Variants in FBXO34 observed in about 807,000 individuals in gnomAD.
The protein encoded by FBXO34 is F-box protein 34.
FBXO34 carries 12 observed loss-of-function variants against 24.5 expected under a neutral mutation model. That is an observed-to-expected ratio of 0.49 (90% confidence interval 0.31 to 0.79). The LOEUF (loss-of-function observed/expected upper bound fraction) is 0.79, where lower values mean the gene tolerates loss of function less well. Ranked by LOEUF, FBXO34 falls within the 30% of genes least tolerant of loss-of-function variation. FBXO34 has a pLI of 0.04. For missense variants in FBXO34, 823 were observed against 857.7 expected, an observed-to-expected ratio of 0.96 and a Z score of 0.51; for synonymous variants, 320 against 311.9, an observed-to-expected ratio of 1.03 and a Z score of -0.27.
At chr14:55,391,290 A>G in the FBXO34 span, 13 of 203,662 alleles carry the variant, frequency 6.4e-5, no homozygotes, top group African/African-American at 3.1e-4. Flanking sequence ...CCTGGCCAAC[A>G]TGGTGAAACC....
chr14:55,328,591 T>A (rs536720524), intron 1 of FBXO34, among the ~76,000 whole-genome samples: 3 of 152,226 alleles, frequency 2.0e-5, no homozygotes, highest in Non-Finnish European at 4.4e-5. Context: ...TAATTGTTTC[T>A]GGAATTTTCC....
chr14:55,323,178 C>A (rs1566555662), intron 1 of FBXO34, among the ~76,000 whole-genome samples: 1 of 40,386 alleles, frequency 2.5e-5, no homozygotes. Context: ...GAGTGAGACT[C>A]TGTCTCAAAA....
the FBXO34 span, among the ~76,000 whole-genome samples, chr14:55,398,004 G>C: frequency 6.5e-5 from 9 of 138,650 alleles, no homozygotes; most frequent in African/African-American, 2.5e-4. Context: ...CTGGGGTGTA[G>C]TGGTGCGATC....
chr14:55,301,908 G>A (rs1882368883), intron 1 of FBXO34, among the ~76,000 whole-genome samples: 1 of 152,152 alleles, frequency 6.6e-6, no homozygotes, highest in Non-Finnish European at 1.5e-5. Context: ...TACTCTTCTG[G>A]TGTCTGTCTG....
the FBXO34 span, among the ~76,000 whole-genome samples, chr14:55,403,719 T>C: frequency 6.6e-6 from 1 of 152,160 alleles, no homozygotes; most frequent in Non-Finnish European, 1.5e-5. Flanking sequence ...ATAGTATGTA[T>C]TGTGTGATCC....
chr14:55,432,017 A>G, the FBXO34 span, among the ~76,000 whole-genome samples: 1 of 152,204 alleles, frequency 6.6e-6, no homozygotes, highest in Non-Finnish European at 1.5e-5. Flanking sequence ...TTTGTATAAT[A>G]CTGTGCACAA....
At chr14:55,430,063 C>T in the FBXO34 span, among the ~76,000 whole-genome samples, 1 of 152,154 alleles carries the variant, frequency 6.6e-6, no homozygotes, top group Admixed American at 6.5e-5. Context: ...TGTCCTGCTG[C>T]ACCCCTAAAT....
chr14:55,381,344 T>C, the FBXO34 span, among the ~76,000 whole-genome samples: 6 of 152,222 alleles, frequency 3.9e-5, no homozygotes, highest in Non-Finnish European at 8.8e-5. Flanking sequence ...CATTGGGGCC[T>C]TTCAGTCTCC....
chr14:55,429,539 A>T, the FBXO34 span, among the ~76,000 whole-genome samples: 1 of 152,168 alleles, frequency 6.6e-6, no homozygotes, highest in South Asian at 2.1e-4. Context: ...TGAGGCAGGC[A>T]GCTCACCTGA....
chr14:55,367,898 A>T (rs1191998751), exon 3 of FBXO34: 1 of 152,554 alleles, frequency 6.6e-6, no homozygotes, highest in Admixed American at 6.5e-5. Context: ...TACCATTAGC[A>T]AAAGCTATAT....
the FBXO34 span, among the ~76,000 whole-genome samples, chr14:55,400,878 T>C: frequency 1.3e-4 from 19 of 151,570 alleles, no homozygotes; most frequent in African/African-American, 4.6e-4. Flanking sequence ...CACTCCAGCC[T>C]GGGTGACAGA....
At chr14:55,400,228 AGTC>A in the FBXO34 span, among the ~76,000 whole-genome samples, 1 of 152,180 alleles carries the variant, frequency 6.6e-6, no homozygotes, top group Non-Finnish European at 1.5e-5. Flanking sequence ...TCATTCCACA[AGTC>A]TGTGCTTTCT....
intron 1 of FBXO34, among the ~76,000 whole-genome samples, chr14:55,308,007 TCTC>T (rs1205452059): frequency 4.6e-5 from 7 of 152,130 alleles, no homozygotes. Flanking sequence ...CCCATACTGT[TCTC>T]CTCGTGGTAA....
At chr14:55,401,441 T>A in the FBXO34 span, among the ~76,000 whole-genome samples, 7 of 152,202 alleles carry the variant, frequency 4.6e-5, no homozygotes, top group African/African-American at 1.7e-4. Flanking sequence ...TTGTGCTGTT[T>A]TCTGAAAGAA....
chr14:55,420,860 C>G, the FBXO34 span, among the ~76,000 whole-genome samples: 1 of 151,880 alleles, frequency 6.6e-6, no homozygotes, highest in Non-Finnish European at 1.5e-5. Context: ...GAGATCGAGA[C>G]CATCCTGGCC....
chr14:55,378,989 G>A, the FBXO34 span, among the ~76,000 whole-genome samples: 1 of 152,002 alleles, frequency 6.6e-6, no homozygotes, highest in Non-Finnish European at 1.5e-5. Flanking sequence ...ATTACAGGCA[G>A]GCATGAGCCA....
At chr14:55,384,317 C>T in the FBXO34 span, among the ~76,000 whole-genome samples, 1 of 152,178 alleles carries the variant, frequency 6.6e-6, no homozygotes, top group Admixed American at 6.5e-5. Flanking sequence ...TTTAAAGTTT[C>T]CCTGTATACA....
intron 1 of FBXO34, among the ~76,000 whole-genome samples, chr14:55,349,607 C>CTTTTTTTTTT (rs57284715): frequency 2.2e-4 from 26 of 116,596 alleles, no homozygotes; most frequent in African/African-American, 4.8e-4. Flanking sequence ...CAATAATTTT[C>CTTTTTTTTTT]TTTTTTTTTT....
chr14:55,376,275 C>A, the FBXO34 span, among the ~76,000 whole-genome samples: 1 of 152,150 alleles, frequency 6.6e-6, no homozygotes, highest in African/African-American at 2.4e-5. Context: ...AATAGTGGCC[C>A]AATAAATATT....
Sources: allele counts gnomAD v4.1 joint callset (sites outside exome capture counted in the v4.1 genomes callset), GRCh38; gene constraint gnomAD v4.1.1; transcripts MANE v1.5; gene names NCBI Gene and HGNC (gene_info 2026-07-23, HGNC 2026-07-21).